Variants in SLC12A7 observed in about 807,000 individuals in gnomAD.
SLC12A7 encodes the protein K-Cl cotransporter 4.
A neutral mutation model predicts 120.6 loss-of-function variants in SLC12A7; 100 were observed. The ratio of observed to expected loss-of-function variants is 0.83; its 90% CI spans 0.71 to 0.98. The LOEUF is 0.98. Among genes scored for constraint, SLC12A7 ranks in the 50% least tolerant of loss-of-function variants. The pLI is 0.00. For synonymous variants in SLC12A7, 760 were observed against 678.0 expected (o/e 1.12, Z -1.88); for missense variants, 1,373 against 1,548.1 (o/e 0.89, Z 1.90).
chr5:1,095,016 T>G (rs111928423), intron 1 of SLC12A7, among the ~76,000 whole-genome samples: 1,018 of 75,104 alleles, frequency 0.014, 11 homozygotes, highest in African/African-American at 0.073. Context: ...CGGTAGGAGG[T>G]GGGGGCGGTA....
At chr5:1,073,942 G>C in intron 16 of SLC12A7, 141 bp from the exon 17 acceptor site, 1 of 785,834 alleles carries the variant, frequency 1.3e-6, no homozygotes, top group Non-Finnish European at 1.8e-6. Context: ...GGGGACAAAA[G>C]GGGCAGGTGA....
chr5:1,073,917 A>T, intron 16 of SLC12A7, 116 bp from the exon 17 acceptor site: 1 of 1,041,342 alleles, frequency 9.6e-7, no homozygotes, highest in Admixed American at 3.4e-5. Flanking sequence ...CGGGAGATAC[A>T]TGACAGGCGG....
intron 1 of SLC12A7, among the ~76,000 whole-genome samples, chr5:1,106,972 C>A (rs1004258612): frequency 6.6e-6 from 1 of 152,210 alleles, no homozygotes; most frequent in African/African-American, 2.4e-5. Context: ...CAAACGCACA[C>A]CTCACTGCTT....
intron 1 of SLC12A7, among the ~76,000 whole-genome samples, chr5:1,098,752 CACCCA>C (rs1741661119): frequency 1.2e-5 from 1 of 80,986 alleles, no homozygotes; most frequent in Non-Finnish European, 2.6e-5. Context: ...ACCCTCTGCA[CACCCA>C]GCCCCCCTCT....
Position 1,063,682 on chromosome 5 carries a change from A to G in SLC12A7, c.2739+162T>C, listed in dbSNP as rs1303581243. On this transcript the variant is annotated intron_variant, in intron 20 of 23. Coordinates refer to ENST00000264930, the MANE Select transcript of SLC12A7 (RefSeq NM_006598.3). ...ACCTCACGAGGCCACAGCCCTCCCG[A>G]TCTCCACTTCCCCCTCCACCCCCAC... Among the ~76,000 whole-genome samples, 17 of 5,716 alleles carry G rather than the reference A, an allele frequency of 3.0e-3. 1 individual carries two copies. Among genetic ancestry groups the G allele is most frequent in the Non-Finnish European group, 5.8e-3 (15 of 2,570 alleles). The allele number at this position is 5,716 out of a possible 152,430, so 3.7% of individuals were successfully genotyped here.
intron 2 of SLC12A7, 65 bp downstream of exon 2, chr5:1,094,089 C>A (rs1740843548): frequency 1.4e-6 from 2 of 1,380,886 alleles, no homozygotes; most frequent in Non-Finnish European, 2.1e-6. Context: ...CCCCCAGGGG[C>A]TCCTTTACTT....
chr5:1,141,351 C>T, the SLC12A7 span, among the ~76,000 whole-genome samples: 2 of 152,212 alleles, frequency 1.3e-5, no homozygotes, highest in African/African-American at 4.8e-5. Flanking sequence ...AAGTGCTAGG[C>T]AGTAGGACCC....
At chr5:1,130,388 G>A in the SLC12A7 span, among the ~76,000 whole-genome samples, 3 of 152,184 alleles carry the variant, frequency 2.0e-5, no homozygotes, top group Non-Finnish European at 4.4e-5. Context: ...GGGCAGAGGA[G>A]CAAAGACCTG....
At chr5:1,081,852 G>A in intron 8 of SLC12A7, 108 bp from the exon 9 acceptor site, 1 of 1,318,350 alleles carries the variant, frequency 7.6e-7, no homozygotes, top group Admixed American at 2.2e-5. Context: ...GAGGGGAAGG[G>A]TCACAGCTTG....
At chr5:1,148,209 T>C in the SLC12A7 span, among the ~76,000 whole-genome samples, 631 of 139,558 alleles carry the variant, frequency 4.5e-3, 2 homozygotes, top group Middle Eastern at 0.025. Flanking sequence ...TTCTTTCTTT[T>C]TTTTTTTTTT....
At chr5:1,145,892 C>A in the SLC12A7 span, among the ~76,000 whole-genome samples, 2 of 152,062 alleles carry the variant, frequency 1.3e-5, no homozygotes, top group African/African-American at 4.8e-5. The surrounding 1 kb of genome is among the most constrained non-coding windows in gnomAD (Gnocchi z 4.4). Context: ...ACCATTTTTA[C>A]CATTTTTGGG....
Position 1,063,845 on chromosome 5 carries a change from A to G in SLC12A7, c.2738T>C (p.Met913Thr). ...RISAEVEVVEMVENDISAFTY... is the reference protein window; with the variant it reads ...RISAEVEVVETVENDISAFTY... The stretch of plus-strand genomic sequence containing the variant: ...TCCCCTCAAGCCCTCGGGACTCACC[A>G]TCTCCACCACCTCCACCTCGGCGCT... Residue 913 changes from methionine (M) to threonine (T), a missense_variant and splice_region_variant, in exon 20 of 24, where the codon ATG becomes ACG. Transcript: ENST00000264930. 1 of 1,335,754 alleles carries G rather than the reference A, an allele frequency of 7.5e-7. No homozygotes were observed. The highest frequency in any genetic ancestry group is 2.2e-4 in the Middle Eastern group (1 of 4,604). The allele number at this position is 1,335,754 out of a possible 1,614,324, so 82.7% of individuals were successfully genotyped here. A position where few individuals can be genotyped will look rare whatever the true frequency, so the allele number is the denominator to read the frequency against.
At chr5:1,114,493 T>G (rs1395660296), upstream of SLC12A7, among the ~76,000 whole-genome samples, 2 of 152,120 alleles carry the variant, frequency 1.3e-5, no homozygotes, top group Non-Finnish European at 2.9e-5. Flanking sequence ...GCTCTGTGGG[T>G]TTCCGTGTCC....
At chr5:1,069,825 G>A (rs1013364909) in intron 17 of SLC12A7, among the ~76,000 whole-genome samples, 6 of 152,152 alleles carry the variant, frequency 3.9e-5, no homozygotes, top group Non-Finnish European at 5.9e-5. Context: ...GAAAATCAGA[G>A]AAATGAAGAC....
At chr5:1,107,974 G>A (rs1028343370) in intron 1 of SLC12A7, among the ~76,000 whole-genome samples, 1 of 151,982 alleles carries the variant, frequency 6.6e-6, no homozygotes, top group Non-Finnish European at 1.5e-5. Flanking sequence ...GTGACCCTCT[G>A]CTGTGGAGGA....
upstream of SLC12A7, among the ~76,000 whole-genome samples, chr5:1,112,371 CTT>C (rs1743103751): frequency 1.0e-5 from 1 of 97,974 alleles, no homozygotes; most frequent in Admixed American, 9.6e-5. Flanking sequence ...CGCCTCCCCT[CTT>C]GTCCCCTTCC....
At chr5:1,097,870 G>A (rs1008818896) in intron 1 of SLC12A7, among the ~76,000 whole-genome samples, 3 of 152,056 alleles carry the variant, frequency 2.0e-5, no homozygotes, top group South Asian at 2.1e-4. Flanking sequence ...GAAGAGTGTC[G>A]CTTGGTCTCT....
rs1442174828 is a variant in SLC12A7, at chr5:1,051,787, C to T, written c.*573G>A. 6.5e-6 allele frequency: 1 copy of T among 152,708 alleles called. No individual in the cohort carries two copies. The highest frequency in any genetic ancestry group is 1.9e-4 in the East Asian group (1 of 5,200). The allele number at this position is 152,708 out of a possible 1,614,324, so 9.5% of individuals were successfully genotyped here. A position where few individuals can be genotyped will look rare whatever the true frequency, so the allele number is the denominator to read the frequency against. On this transcript the variant is annotated 3_prime_UTR_variant, in exon 24 of 24. Transcript: ENST00000264930. ...TGGACCTGCCGAGCCCAGAGGCTCC[C>T]ACACGAGGGTGACACGGGCATGGAC...
chr5:1,141,363 CA>C, the SLC12A7 span, among the ~76,000 whole-genome samples: 1 of 152,206 alleles, frequency 6.6e-6, no homozygotes, highest in Admixed American at 6.5e-5. Flanking sequence ...GTAGGACCCC[CA>C]GTCCTCTCCC....
Sources: allele counts gnomAD v4.1 joint callset (sites outside exome capture counted in the v4.1 genomes callset), GRCh38; gene constraint gnomAD v4.1.1; non-coding constraint Gnocchi (gnomAD v3.1); transcripts MANE v1.5; gene names NCBI Gene and HGNC (gene_info 2026-07-23, HGNC 2026-07-21).